The following TRNT1 variants were observed in gnomAD, a reference collection of about 807,000 sequenced individuals.
TRNT1 encodes the protein CCA tRNA nucleotidyltransferase 1, mitochondrial.
A neutral mutation model predicts 45.6 loss-of-function variants in TRNT1; 44 were observed. That is an observed-to-expected ratio of 0.97 (90% CI 0.76 to 1.24). The LOEUF is 1.24. TRNT1 is among the 50% of genes most tolerant of loss of function. The pLI is 0.00. For synonymous variants in TRNT1, 201 were observed against 171.4 expected (o/e 1.17, Z -1.35); for missense variants, 633 against 504.4 (o/e 1.25, Z -2.44).
chr3:3,131,175 C>G (rs1427213886), intron 2 of TRNT1: 1 of 152,076 alleles, frequency 6.6e-6, no homozygotes, highest in Admixed American at 6.6e-5. Context: ...TTCAGACTTA[C>G]CACATTTTAA....
rs146909954 is a variant in TRNT1 at position 3,146,564 on chromosome 3, G to T, written c.743G>T (p.Gly248Val). ...GTGGAACTGAAAAAAATTCTTGTTG[G>T]TAACCATGTAAATCATTTGATTCAC... ...IWVELKKILVGNHVNHLIHLI... is the reference protein window; with the variant it reads ...IWVELKKILVVNHVNHLIHLI... The change falls in exon 6 of 8, where the codon GGT (glycine) becomes GTT (valine). Residue 248 changes from glycine to valine, a missense_variant. By Grantham distance (109) the Gly-to-Val change is moderately radical. Coordinates refer to ENST00000251607, the MANE Select transcript of TRNT1 (RefSeq NM_182916.3). The T allele has an allele frequency of 6.2e-7, 1 of 1,613,790 alleles. No individual in the cohort carries two copies. The highest frequency in any genetic ancestry group is 8.5e-7 in the Non-Finnish European group (1 of 1,179,924).
intron 4 of TRNT1, among the ~76,000 whole-genome samples, chr3:3,143,238 G>A (rs1705770815): frequency 6.6e-6 from 1 of 152,116 alleles, no homozygotes; most frequent in South Asian, 2.1e-4. Context: ...GCCTGAGCTT[G>A]AAATACTTCC....
chr3:3,141,976 G>A (rs1178229452), intron 4 of TRNT1, among the ~76,000 whole-genome samples: 2 of 152,184 alleles, frequency 1.3e-5, no homozygotes, highest in African/African-American at 2.4e-5. Context: ...GGAAACTTGA[G>A]ACTGAGAGAT....
intron 1 of TRNT1, chr3:3,127,854 C>T (rs1704691205): frequency 6.6e-6 from 1 of 152,124 alleles, no homozygotes; most frequent in Non-Finnish European, 1.5e-5. Flanking sequence ...CCCGACCAAA[C>T]CACCAAACCG....
intron 2 of TRNT1, among the ~76,000 whole-genome samples, chr3:3,133,506 T>G (rs1306216447): frequency 6.6e-6 from 1 of 151,782 alleles, no homozygotes; most frequent in African/African-American, 2.4e-5. Context: ...CAGAGTGAGC[T>G]GTGGTGGTGC....
rs1025318922 is a variant in TRNT1, at chr3:3,148,703, A to G, written c.*549A>G. The stretch of plus-strand genomic sequence containing the variant: ...TGTACAGGATTTGTTCTAGCAAGCT[A>G]TGCTTCAGTATGTGGTTGATATTTT... On this transcript the variant is annotated 3_prime_UTR_variant, in exon 8 of 8. Coordinates refer to ENST00000251607, the MANE Select transcript of TRNT1 (RefSeq NM_182916.3). 3 of 152,256 alleles carry G rather than the reference A, an allele frequency of 2.0e-5. No individual in the cohort carries two copies. Among genetic ancestry groups the G allele is most frequent in the African/African-American group, 4.8e-5 (2 of 41,430 alleles). The allele number at this position is 152,256 out of a possible 1,614,324, so 9.4% of individuals were successfully genotyped here.
At chr3:3,132,587 A>G (rs1292891356) in intron 2 of TRNT1, among the ~76,000 whole-genome samples, 1 of 102,620 alleles carries the variant, frequency 9.7e-6, no homozygotes, top group Non-Finnish European at 2.0e-5. Flanking sequence ...ATGCTAGATG[A>G]CACGTTAGTG....
chr3:3,137,756 C>T (rs1305112411), intron 3 of TRNT1, among the ~76,000 whole-genome samples: 1 of 152,108 alleles, frequency 6.6e-6, no homozygotes, highest in Non-Finnish European at 1.5e-5. Flanking sequence ...CTTACCACAC[C>T]CTTCTCAACA....
chr3:3,127,097 G>T (rs954670374), intron 1 of TRNT1, 107 bp downstream of exon 1: 1 of 152,356 alleles, frequency 6.6e-6, no homozygotes, highest in Admixed American at 6.5e-5. Flanking sequence ...CCTCGAGGAA[G>T]ACGGGAGCGG....
intron 2 of TRNT1, chr3:3,130,676 A>G (rs1704961652): frequency 2.0e-5 from 3 of 152,234 alleles, no homozygotes; most frequent in Admixed American, 1.3e-4. Context: ...AATTTTAATA[A>G]TTATTTTTGG....
At chr3:3,129,318 G>C in intron 2 of TRNT1, 130 bp downstream of exon 2, 6 of 902,484 alleles carry the variant, frequency 6.6e-6, no homozygotes, top group Non-Finnish European at 9.9e-6. Flanking sequence ...AACGTAAGTA[G>C]AGGGTCTCTT....
chr3:3,137,090 C>T (rs1353196413), intron 2 of TRNT1, among the ~76,000 whole-genome samples, 170 bp from the exon 3 acceptor site: 1 of 152,144 alleles, frequency 6.6e-6, no homozygotes, highest in Non-Finnish European at 1.5e-5. Context: ...CTCCTGTAGA[C>T]AAGTCTTTTT....
At chr3:3,151,045 C>T (rs141575365), downstream of TRNT1, 9 of 1,613,478 alleles carry the variant, frequency 5.6e-6, no homozygotes, top group African/African-American at 2.7e-5. Context: ...TCCAGGCATA[C>T]CTAAGAAATT....
chr3:3,150,355 C>CAAAG (rs1346822095), downstream of TRNT1: 1 of 151,286 alleles, frequency 6.6e-6, no homozygotes, highest in Non-Finnish European at 1.5e-5. Context: ...TGGAAAGGAA[C>CAAAG]AAAGCCCTTT....
At position 3,144,669 on chromosome 3, in the gene TRNT1, G is replaced by T. The variant is rs760683285; in HGVS notation, c.567G>T (p.Gln189His). The change falls in exon 5 of 8, where the codon CAG becomes CAT. Residue 189 changes from glutamine to histidine, a missense_variant. By Grantham distance (24) the Gln-to-His change is conservative (BLOSUM62 0). Coordinates refer to ENST00000251607, the MANE Select transcript of TRNT1 (RefSeq NM_182916.3). The part of the protein sequence containing the change: ...KKVRFVGHAK[Q>H]RIQEDYLRIL... Reference sequence around the variant, plus strand: ...TTAGATTTGTTGGACATGCTAAACAGAGAATACAAGAGGATTATCTTAGAA... The same window carrying T: ...TTAGATTTGTTGGACATGCTAAACATAGAATACAAGAGGATTATCTTAGAA... 8.6e-5 allele frequency: 135 copies of T among 1,566,626 alleles called. No individual in the cohort carries two copies. The highest frequency in any genetic ancestry group is 1.1e-4 in the Non-Finnish European group (127 of 1,147,806).
At chr3:3,153,201 C>CT (rs1296668899), downstream of TRNT1, 5 of 480,922 alleles carry the variant, frequency 1.0e-5, no homozygotes, top group Non-Finnish European at 1.5e-5. Context: ...AGTTGTTTTA[C>CT]TTTACCATGC....
Position 3,137,558 on chromosome 3 carries a change from C to T in TRNT1, c.342+105C>T, listed in dbSNP as rs570104336. ...ATAACGAAAAGTCTAATAAAAAAGT[C>T]AGTCTCTTCTATGCCCGTCATAAAC... On this transcript the variant is annotated intron_variant, in intron 3 of 7. Transcript: ENST00000251607. The T allele has an allele frequency of 1.0e-4, 104 of 996,208 alleles. No homozygotes were observed. In the Admixed American group the frequency reaches 1.3e-3, roughly 13 times the overall value. 61.7% of individuals were successfully genotyped at this position (996,208 alleles called of 1,614,324 possible). A position where few individuals can be genotyped will look rare whatever the true frequency, so the allele number is the denominator to read the frequency against.
At chr3:3,136,547 C>T (rs990374011) in intron 2 of TRNT1, 10 of 392,818 alleles carry the variant, frequency 2.5e-5, no homozygotes, top group Admixed American at 9.6e-5. Context: ...CATCCTGCCT[C>T]AACATCTATC....
chr3:3,138,742 T>C (rs1705471942), intron 3 of TRNT1, among the ~76,000 whole-genome samples: 1 of 152,208 alleles, frequency 6.6e-6, no homozygotes, highest in Non-Finnish European at 1.5e-5. Flanking sequence ...AGGTCTTTCT[T>C]AGTATATTTC....
Sources: allele counts gnomAD v4.1 joint callset (sites outside exome capture counted in the v4.1 genomes callset), GRCh38; gene constraint gnomAD v4.1.1; transcripts MANE v1.5; gene names NCBI Gene and HGNC (gene_info 2026-07-23, HGNC 2026-07-21).